Variants in PEPD observed in about 807,000 individuals in gnomAD.
PEPD encodes the protein xaa-Pro dipeptidase.
In PEPD, 53 loss-of-function variants were observed where a neutral mutation model predicts 60.7. The ratio of observed to expected loss-of-function variants is 0.87; its 90% CI spans 0.70 to 1.10. The LOEUF (loss-of-function observed/expected upper bound fraction) is 1.10, where lower values mean the gene tolerates loss of function less well. Among genes scored for constraint, PEPD ranks in the 50% least tolerant of loss-of-function variants. The probability of loss-of-function intolerance (pLI) is 0.00; values close to 1 mark genes in which losing one functional copy is unlikely to be tolerated. For synonymous variants in PEPD, 267 were observed against 284.1 expected, an observed-to-expected ratio of 0.94 and a Z score of 0.60; for missense variants, 711 against 711.9, an observed-to-expected ratio of 1.00 and a Z score of 0.01.
At chr19:33,413,498 GGT>G in intron 10 of PEPD, 75 bp downstream of exon 10, 1 of 808,832 alleles carries the variant, frequency 1.2e-6, no homozygotes, top group Non-Finnish European at 2.1e-6. Flanking sequence ...GCTGGGGGAT[GGT>G]GGAGCCCCCC....
intron 7 of PEPD, among the ~76,000 whole-genome samples, chr19:33,471,719 G>A (rs1467967367): frequency 1.3e-5 from 2 of 152,228 alleles, no homozygotes; most frequent in Non-Finnish European, 1.5e-5. Flanking sequence ...CACCTAAGAA[G>A]TTTGAGCAGG....
At chr19:33,462,146 C>A (rs1969937833) in intron 9 of PEPD, among the ~76,000 whole-genome samples, 1 of 152,244 alleles carries the variant, frequency 6.6e-6, no homozygotes, top group Admixed American at 6.5e-5. Flanking sequence ...AGGGCCGGGG[C>A]TCTGAACAGA....
intron 7 of PEPD, among the ~76,000 whole-genome samples, chr19:33,468,600 C>T (rs952460610): frequency 2.0e-5 from 3 of 152,224 alleles, no homozygotes; most frequent in Non-Finnish European, 4.4e-5. Context: ...AGGGAGCAGC[C>T]CATGCCAGCC....
intron 10 of PEPD, among the ~76,000 whole-genome samples, chr19:33,412,043 C>T (rs572472834): frequency 1.4e-4 from 22 of 152,350 alleles, no homozygotes; most frequent in African/African-American, 4.8e-4. Context: ...ATGTGGAACA[C>T]ATGTAAAACT....
At chr19:33,451,875 A>G (rs1040386376) in intron 9 of PEPD, among the ~76,000 whole-genome samples, 11 of 152,216 alleles carry the variant, frequency 7.2e-5, no homozygotes, top group African/African-American at 2.7e-4. Context: ...GCCTCAAACA[A>G]TTTATCATGG....
intron 12 of PEPD, among the ~76,000 whole-genome samples, chr19:33,392,504 G>A (rs1033730106): frequency 9.2e-5 from 14 of 152,352 alleles, no homozygotes; most frequent in African/African-American, 3.4e-4. Flanking sequence ...CAGGCCACGT[G>A]CTGGCAGAGG....
At chr19:33,457,325 G>C (rs1289830049) in intron 9 of PEPD, among the ~76,000 whole-genome samples, 2 of 152,082 alleles carry the variant, frequency 1.3e-5, no homozygotes, top group Non-Finnish European at 2.9e-5. Context: ...CAGTTATTTG[G>C]GGGGCTGAGG....
rs189043536 is a variant in PEPD, at chr19:33,436,810, G to A, written c.672-23167C>T. The stretch of plus-strand genomic sequence containing the variant: ...TCAGCATGCCTAGCTCTCTGGGTGC[G>A]AAGAGAGGCCCCTGGGGCCGGTTCA... On this transcript the variant is annotated intron_variant, in intron 9 of 14. Coordinates refer to ENST00000244137, the MANE Select transcript of PEPD (RefSeq NM_000285.4). 1.1e-4 allele frequency among the ~76,000 whole-genome samples: 17 copies of A among 152,314 alleles called. No homozygotes were observed. In the East Asian group the frequency reaches 2.7e-3, roughly 24 times the overall value.
At chr19:33,472,762 T>G (rs950259080) in intron 7 of PEPD, among the ~76,000 whole-genome samples, 1 of 152,090 alleles carries the variant, frequency 6.6e-6, no homozygotes, top group Non-Finnish European at 1.5e-5. Context: ...TGAACAAAAC[T>G]CATTTAAAGG....
At chr19:33,412,352 T>G (rs1377379947) in intron 10 of PEPD, among the ~76,000 whole-genome samples, 1 of 151,864 alleles carries the variant, frequency 6.6e-6, no homozygotes, top group African/African-American at 2.4e-5. Flanking sequence ...GTCTTTAAAT[T>G]AAAAAAAGAG....
At chr19:33,442,599 C>T (rs1324808868) in intron 9 of PEPD, among the ~76,000 whole-genome samples, 1 of 151,262 alleles carries the variant, frequency 6.6e-6, no homozygotes. Flanking sequence ...GTCCCAGCTA[C>T]TCGGGAGGCT....
chr19:33,470,662 ACAGT>A (rs1970105767), intron 7 of PEPD, among the ~76,000 whole-genome samples: 1 of 152,182 alleles, frequency 6.6e-6, no homozygotes, highest in Non-Finnish European at 1.5e-5. Context: ...GCACAGACAC[ACAGT>A]AACTATGTGT....
At chr19:33,406,884 G>A (rs150219059) in intron 11 of PEPD, among the ~76,000 whole-genome samples, 4,488 of 152,266 alleles carry the variant, frequency 0.029, 97 homozygotes, top group Non-Finnish European at 0.048. Flanking sequence ...GGTGGCTGCT[G>A]AGTGTGAGGG....
chr19:33,467,358 T>A (rs903643788), intron 7 of PEPD, among the ~76,000 whole-genome samples: 6 of 151,752 alleles, frequency 4.0e-5, no homozygotes, highest in African/African-American at 1.5e-4. Flanking sequence ...CTTTTTTTTT[T>A]AACCTTTTAG....
chr19:33,457,761 C>T (rs1969831531), intron 9 of PEPD, among the ~76,000 whole-genome samples: 1 of 152,226 alleles, frequency 6.6e-6, no homozygotes, highest in Admixed American at 6.5e-5. Context: ...CTGCCTGTCT[C>T]GGCCTCCCAA....
At chr19:33,440,192 G>C (rs1486894686) in intron 9 of PEPD, among the ~76,000 whole-genome samples, 4 of 152,090 alleles carry the variant, frequency 2.6e-5, no homozygotes, top group Non-Finnish European at 5.9e-5. Context: ...CCAGGCACAA[G>C]GGGTCTGGAC....
At chr19:33,413,752 G>A (rs1600096321) in intron 9 of PEPD, 109 bp from the exon 10 acceptor site, 5 of 711,312 alleles carry the variant, frequency 7.0e-6, no homozygotes, top group East Asian at 2.7e-5. Context: ...CTCCCCTGCC[G>A]TGGCCCCACA....
intron 1 of PEPD, among the ~76,000 whole-genome samples, chr19:33,515,546 G>A (rs764589814): frequency 3.3e-5 from 5 of 151,988 alleles, no homozygotes; most frequent in Admixed American, 6.5e-5. Context: ...CCTTGTGCTC[G>A]GATATCCCCC....
Position 33,511,032 on chromosome 19 carries a change from C to T in PEPD, c.325G>A (p.Gly109Arg), listed in dbSNP as rs773410252. 2 of 1,613,416 alleles carry T rather than the reference C, an allele frequency of 1.2e-6. No homozygotes were observed. Among genetic ancestry groups the T allele is most frequent in the South Asian group, 2.2e-5 (2 of 90,892 alleles). The change falls in exon 3 of 15, where the codon GGA becomes AGA. Residue 109 changes from glycine (G) to arginine (R), a missense_variant. By Grantham distance (125) the Gly-to-Arg change is moderately radical. Coordinates refer to ENST00000244137, the MANE Select transcript of PEPD (RefSeq NM_000285.4). ...RLPASHATWMGKIHSKEHFKE... is the reference protein window; with the variant it reads ...RLPASHATWMRKIHSKEHFKE... ...CCTGGCCAGGCTGCTCCTTACTTTC[C>T]CATCCAGGTGGCATGGCTGGCAGGA... is the stretch of plus-strand genomic sequence containing the variant.
Sources: allele counts gnomAD v4.1 joint callset (sites outside exome capture counted in the v4.1 genomes callset), GRCh38; gene constraint gnomAD v4.1.1; transcripts MANE v1.5; gene names NCBI Gene and HGNC (gene_info 2026-07-23, HGNC 2026-07-21).